Variants in KCNG3 observed in about 807,000 individuals in gnomAD.
KCNG3 encodes potassium voltage-gated channel modifier subfamily G member 3.
In KCNG3, 15 loss-of-function variants were observed where a neutral mutation model predicts 29.0. The observed-to-expected ratio is 0.52, with a 90% confidence interval of 0.35 to 0.80. KCNG3 has a LOEUF of 0.80. KCNG3 is among the 30% of genes least tolerant of loss of function. KCNG3 has a pLI of 0.01. For synonymous variants in KCNG3, 322 were observed against 248.9 expected (o/e 1.29, Z -2.76); for missense variants, 512 against 605.7 (o/e 0.85, Z 1.62).
At chr2:42,484,041 C>T (rs959629285) in intron 1 of KCNG3, among the ~76,000 whole-genome samples, 1 of 152,160 alleles carries the variant, frequency 6.6e-6, no homozygotes, top group African/African-American at 2.4e-5. Flanking sequence ...CCTCAGGCCT[C>T]CTAAAGTGCT....
At chr2:42,439,682 T>G (rs1220493696), downstream of KCNG3, among the ~76,000 whole-genome samples, 1 of 152,004 alleles carries the variant, frequency 6.6e-6, no homozygotes, top group South Asian at 2.1e-4. Context: ...GTTTCACTTT[T>G]GTCACCCAGG....
chr2:42,418,009 TAAATA>T, the KCNG3 span, among the ~76,000 whole-genome samples: 1 of 151,422 alleles, frequency 6.6e-6, no homozygotes, highest in South Asian at 2.1e-4. Flanking sequence ...AATAAATAAA[TAAATA>T]AAATATATAT....
At chr2:42,447,516 A>G (rs1260875064) in intron 1 of KCNG3, among the ~76,000 whole-genome samples, 1 of 139,474 alleles carries the variant, frequency 7.2e-6, no homozygotes, top group Admixed American at 7.0e-5. Flanking sequence ...TGCAATGAAT[A>G]TTCTTTTTTT....
At chr2:42,426,447 A>G in the KCNG3 span, among the ~76,000 whole-genome samples, 33 of 152,372 alleles carry the variant, frequency 2.2e-4, no homozygotes, top group African/African-American at 7.9e-4. Context: ...TGATCCTTCC[A>G]TGACATATAC....
the KCNG3 span, among the ~76,000 whole-genome samples, chr2:42,428,964 C>T: frequency 1.3e-5 from 2 of 151,894 alleles, no homozygotes; most frequent in Admixed American, 6.6e-5. Context: ...ACTAAAAATA[C>T]AAAAATCAAC....
intron 1 of KCNG3, among the ~76,000 whole-genome samples, chr2:42,456,463 G>A (rs1426613730): frequency 6.6e-6 from 1 of 152,080 alleles, no homozygotes; most frequent in Non-Finnish European, 1.5e-5. Context: ...GCTGCAGTGG[G>A]CCATGATCGC....
intron 1 of KCNG3, among the ~76,000 whole-genome samples, chr2:42,460,523 A>G (rs556826669): frequency 6.6e-6 from 1 of 152,296 alleles, no homozygotes; most frequent in East Asian, 1.9e-4. Flanking sequence ...AAAGTAATAA[A>G]TGCTATAATT....
At chr2:42,402,324 A>G in the KCNG3 span, among the ~76,000 whole-genome samples, 27 of 152,354 alleles carry the variant, frequency 1.8e-4, no homozygotes, top group East Asian at 4.8e-3. Flanking sequence ...TCCCTAAATA[A>G]GTAAATCAAT....
chr2:42,472,471 T>C (rs1309648418), intron 1 of KCNG3, among the ~76,000 whole-genome samples: 1 of 151,612 alleles, frequency 6.6e-6, no homozygotes, highest in Admixed American at 6.6e-5. Flanking sequence ...GGGATTTCAA[T>C]GGGAAAGAGG....
intron 1 of KCNG3, among the ~76,000 whole-genome samples, chr2:42,485,737 C>A (rs1057184508): frequency 6.6e-6 from 1 of 152,124 alleles, no homozygotes; most frequent in African/African-American, 2.4e-5. Flanking sequence ...CATGAGCCAC[C>A]GTGCCCGGCA....
the KCNG3 span, among the ~76,000 whole-genome samples, chr2:42,427,862 A>T: frequency 5.3e-5 from 8 of 152,324 alleles, no homozygotes; most frequent in East Asian, 1.5e-3. Flanking sequence ...TTTCAAGTCA[A>T]TGGCTTTCTA....
intron 1 of KCNG3, among the ~76,000 whole-genome samples, chr2:42,477,646 AGGTG>A (rs1478578567): frequency 6.6e-6 from 1 of 151,860 alleles, no homozygotes; most frequent in Non-Finnish European, 1.5e-5. Flanking sequence ...TGGGAGGCCG[AGGTG>A]GGTGGATCAC....
chr2:42,465,823 A>C (rs1212335720), intron 1 of KCNG3, among the ~76,000 whole-genome samples: 1 of 152,220 alleles, frequency 6.6e-6, no homozygotes, highest in East Asian at 1.9e-4. Context: ...CTATGTGGAC[A>C]AACATTTCAC....
chr2:42,477,155 G>A (rs960227436), intron 1 of KCNG3, among the ~76,000 whole-genome samples: 2 of 146,574 alleles, frequency 1.4e-5, no homozygotes, highest in Non-Finnish European at 3.0e-5. Flanking sequence ...TTACGCCACT[G>A]CACTCCAGCC....
the KCNG3 span, among the ~76,000 whole-genome samples, chr2:42,391,353 A>G: frequency 1.3e-5 from 2 of 152,122 alleles, no homozygotes; most frequent in African/African-American, 4.8e-5. Flanking sequence ...CAACACCCAT[A>G]ACTCACAGCT....
In KCNG3 at chr2:42,472,984, C is replaced by G. The variant is rs1022101815; in HGVS notation, c.665+19853G>C. Among the ~76,000 whole-genome samples the G allele has an allele frequency of 3.3e-5, 5 of 149,398 alleles. No homozygotes were observed. In the East Asian group the frequency reaches 9.9e-4, roughly 30 times the overall value. On this transcript the variant is annotated intron_variant, in intron 1 of 1. Coordinates refer to ENST00000306078, the MANE Select transcript of KCNG3 (RefSeq NM_133329.6). ...TGGCGCAATCTCGGCTCACTGCAAGCTCCGCCTCCCAGGTTCACGCTATTC... is the reference window on the plus strand; with the variant it reads ...TGGCGCAATCTCGGCTCACTGCAAGGTCCGCCTCCCAGGTTCACGCTATTC...
At chr2:42,391,892 G>A in the KCNG3 span, among the ~76,000 whole-genome samples, 4 of 151,982 alleles carry the variant, frequency 2.6e-5, no homozygotes, top group Admixed American at 6.6e-5. Flanking sequence ...GTGAGCCACC[G>A]CGCCCGGCCT....
chr2:42,475,646 TAAAAAAA>T (rs753198436), intron 1 of KCNG3, among the ~76,000 whole-genome samples: 1 of 136,052 alleles, frequency 7.4e-6, no homozygotes, highest in Admixed American at 7.5e-5. Flanking sequence ...TCTGTCTCTT[TAAAAAAA>T]AAAAAAAAAA....
chr2:42,407,636 G>C, the KCNG3 span, among the ~76,000 whole-genome samples: 581 of 152,162 alleles, frequency 3.8e-3, 4 homozygotes, highest in African/African-American at 0.014. Context: ...GCCCCGCTTG[G>C]GGGGCAGCTG....
Sources: allele counts gnomAD v4.1 joint callset (sites outside exome capture counted in the v4.1 genomes callset), GRCh38; gene constraint gnomAD v4.1.1; transcripts MANE v1.5; gene names NCBI Gene and HGNC (gene_info 2026-07-23, HGNC 2026-07-21).